SNX25: variants seen among roughly 807,000 people sequenced by gnomAD.
SNX25 encodes sorting nexin-25.
A neutral mutation model predicts 113.7 loss-of-function variants in SNX25; 62 were observed. The ratio of observed to expected loss-of-function variants is 0.55; its 90% CI spans 0.44 to 0.67. The LOEUF is 0.67. Ranked by LOEUF, SNX25 falls within the 30% of genes least tolerant of loss-of-function variation. SNX25 has a pLI of 0.00. For missense variants in SNX25, 1,014 were observed against 1,161.0 expected, an observed-to-expected ratio of 0.87 and a Z score of 1.84; for synonymous variants, 421 against 436.2, an observed-to-expected ratio of 0.97 and a Z score of 0.43.
intron 2 of SNX25, 27 bp from the exon 3 acceptor site, chr4:185,258,821 A>G: frequency 1.9e-6 from 3 of 1,570,694 alleles, no homozygotes; most frequent in Non-Finnish European, 2.6e-6. Flanking sequence ...CATTTGTTTT[A>G]CTCATTGCTT....
intron 6 of SNX25, among the ~76,000 whole-genome samples, chr4:185,296,211 G>A (rs1016349348): frequency 6.6e-6 from 1 of 151,916 alleles, no homozygotes; most frequent in Non-Finnish European, 1.5e-5. Context: ...GGCCCCACCT[G>A]ATAATACTGT....
intron 12 of SNX25, among the ~76,000 whole-genome samples, chr4:185,344,534 G>T (rs2095275507): frequency 6.6e-6 from 1 of 152,182 alleles, no homozygotes; most frequent in Non-Finnish European, 1.5e-5. Context: ...AGCACGGGAT[G>T]GGGAAAGAAA....
chr4:185,372,603 A>T (rs140904325), downstream of SNX25, among the ~76,000 whole-genome samples: 2 of 152,212 alleles, frequency 1.3e-5, no homozygotes, highest in African/African-American at 4.8e-5. Flanking sequence ...GTGTGATCGT[A>T]TCAAGAGGTG....
At chr4:185,342,914 G>A (rs940790815) in intron 12 of SNX25, among the ~76,000 whole-genome samples, 4 of 151,786 alleles carry the variant, frequency 2.6e-5, no homozygotes, top group African/African-American at 7.3e-5. Flanking sequence ...TTTTTGAGAC[G>A]GAGTCCTGCT....
chr4:185,211,743 G>A (rs1050910575), intron 1 of SNX25, among the ~76,000 whole-genome samples: 2 of 152,132 alleles, frequency 1.3e-5, no homozygotes, highest in Non-Finnish European at 2.9e-5. Context: ...GTGATTAAGA[G>A]GTAAGAGATG....
At chr4:185,237,055 T>G (rs956960491) in intron 1 of SNX25, among the ~76,000 whole-genome samples, 8 of 152,314 alleles carry the variant, frequency 5.3e-5, no homozygotes, top group African/African-American at 1.9e-4. Context: ...ATTTTTGAAA[T>G]TTAGGAAAAC....
At chr4:185,291,404 T>C (rs1294944100) in intron 6 of SNX25, among the ~76,000 whole-genome samples, 1 of 152,204 alleles carries the variant, frequency 6.6e-6, no homozygotes, top group African/African-American at 2.4e-5. Context: ...CATTCTACTT[T>C]CTGTCTCTCT....
chr4:185,241,296 C>T (rs1417250673), intron 1 of SNX25, among the ~76,000 whole-genome samples: 1 of 152,072 alleles, frequency 6.6e-6, no homozygotes, highest in South Asian at 2.1e-4. Flanking sequence ...GCCAACACAG[C>T]GAAACCCCGT....
At chr4:185,277,767 C>G (rs1749949934) in intron 5 of SNX25, among the ~76,000 whole-genome samples, 1 of 29,332 alleles carries the variant, frequency 3.4e-5, no homozygotes, top group Non-Finnish European at 6.0e-5. Context: ...GAGTCTCGCT[C>G]TGTCGCCCAG....
intron 9 of SNX25, among the ~76,000 whole-genome samples, chr4:185,329,032 G>C (rs555723258): frequency 6.6e-6 from 1 of 152,088 alleles, no homozygotes; most frequent in Non-Finnish European, 1.5e-5. Context: ...GGAGAGACCC[G>C]GGGAGGGTTT....
At chr4:185,288,158 ATCTT>A in intron 6 of SNX25, 76 bp downstream of exon 6, 3 of 1,148,858 alleles carry the variant, frequency 2.6e-6, no homozygotes, top group Non-Finnish European at 3.8e-6. Context: ...CACCTGTCAG[ATCTT>A]TGGCAAATAG....
intron 9 of SNX25, among the ~76,000 whole-genome samples, chr4:185,329,948 G>T (rs2095182743): frequency 6.6e-6 from 1 of 152,136 alleles, no homozygotes; most frequent in African/African-American, 2.4e-5. Flanking sequence ...GGCTGCTGCT[G>T]CCCACTGCTT....
chr4:185,305,607 G>A (rs781489642), intron 6 of SNX25, among the ~76,000 whole-genome samples: 8 of 152,140 alleles, frequency 5.3e-5, no homozygotes, highest in Non-Finnish European at 1.2e-4. Context: ...ATTATATCAT[G>A]GGCAGGGGAT....
intron 16 of SNX25, among the ~76,000 whole-genome samples, chr4:185,358,635 A>G (rs963404632): frequency 2.0e-5 from 3 of 152,102 alleles, no homozygotes; most frequent in African/African-American, 7.2e-5. Context: ...AAGTCACCAG[A>G]CCCGTTAGCT....
chr4:185,204,987 G>A (rs1053538604), upstream of SNX25, among the ~76,000 whole-genome samples: 19 of 152,244 alleles, frequency 1.2e-4, no homozygotes, highest in African/African-American at 3.9e-4. Context: ...ATACAATCCA[G>A]TAGTTAATAA....
At chr4:185,262,245 C>A (rs2126533475) in intron 3 of SNX25, among the ~76,000 whole-genome samples, 1 of 152,314 alleles carries the variant, frequency 6.6e-6, no homozygotes, top group South Asian at 2.1e-4. Flanking sequence ...TATTTCTAGG[C>A]CATCATTCTA....
chr4:185,346,289 C>T lies in SNX25; in HGVS notation c.2188-248C>T, dbSNP rs1051825248. Reference sequence around the variant, plus strand: ...CACCCTGCGTGGTGTGCAGATCCCTCGTACCAGCCTGGCCTTGTGACTTCC... The same window carrying T: ...CACCCTGCGTGGTGTGCAGATCCCTTGTACCAGCCTGGCCTTGTGACTTCC... On this transcript the variant is annotated intron_variant, in intron 12 of 18. Transcript: ENST00000652585. 3.3e-5 allele frequency among the ~76,000 whole-genome samples: 5 copies of T among 152,198 alleles called. No individual in the cohort carries two copies. The East Asian group carries it at 5.8e-4, about 18-fold the overall frequency.
At chr4:185,273,841 T>C (rs74382215) in intron 5 of SNX25, among the ~76,000 whole-genome samples, 2,389 of 152,212 alleles carry the variant, frequency 0.016, 70 homozygotes, top group African/African-American at 0.055. Flanking sequence ...ATTTCCTTCT[T>C]TGTTAAGGCT....
chr4:185,222,378 C>T (rs1740089499), intron 1 of SNX25, among the ~76,000 whole-genome samples: 1 of 151,952 alleles, frequency 6.6e-6, no homozygotes. Flanking sequence ...TATACCCCTC[C>T]CTCACGGTAG....
Sources: allele counts gnomAD v4.1 joint callset (sites outside exome capture counted in the v4.1 genomes callset), GRCh38; gene constraint gnomAD v4.1.1; transcripts MANE v1.5; gene names NCBI Gene and HGNC (gene_info 2026-07-23, HGNC 2026-07-21).